TULP4: variants seen among roughly 807,000 people sequenced by gnomAD.
TULP4 encodes the protein tubby-related protein 4.
Under a neutral mutation model 129.0 loss-of-function variants are expected in TULP4, and 16 were observed. That is an observed-to-expected ratio of 0.12 (90% CI 0.08 to 0.19). The LOEUF is 0.19. TULP4 is among the 10% of genes least tolerant of loss of function. TULP4 has a pLI of 1.00. For synonymous variants in TULP4, 998 were observed against 854.0 expected, an observed-to-expected ratio of 1.17 and a Z score of -2.94; for missense variants, 1,842 against 2,059.1, an observed-to-expected ratio of 0.89 and a Z score of 2.04.
intron 6 of TULP4, among the ~76,000 whole-genome samples, chr6:158,478,272 T>C (rs1779866018): frequency 6.6e-6 from 1 of 152,194 alleles, no homozygotes; most frequent in African/African-American, 2.4e-5. Flanking sequence ...AAACCATTTT[T>C]TGGGGGACTT....
intron 1 of TULP4, among the ~76,000 whole-genome samples, chr6:158,377,748 C>A (rs1039290014): frequency 4.6e-5 from 7 of 151,830 alleles, no homozygotes; most frequent in African/African-American, 1.5e-4. Context: ...CTTTTTTTTT[C>A]CTTTTATTTC....
intron 1 of TULP4, among the ~76,000 whole-genome samples, chr6:158,412,002 ATCT>A (rs2115006599): frequency 6.6e-6 from 1 of 152,336 alleles, no homozygotes; most frequent in African/African-American, 2.4e-5. Context: ...AAGGGTTCAA[ATCT>A]TCTTTTATTC....
chr6:158,322,837 T>C (rs1368753514), intron 1 of TULP4, among the ~76,000 whole-genome samples: 1 of 152,222 alleles, frequency 6.6e-6, no homozygotes, highest in Non-Finnish European at 1.5e-5. Flanking sequence ...TTCGCCTTCC[T>C]CTATTTGCAT....
intron 1 of TULP4, among the ~76,000 whole-genome samples, chr6:158,380,895 A>AAAAAAAAG (rs1371049797): frequency 2.5e-5 from 1 of 40,720 alleles, no homozygotes; most frequent in Non-Finnish European, 4.9e-5. Flanking sequence ...CTCTGTCTCC[A>AAAAAAAAG]AAAAAAAAAA....
intron 3 of TULP4, among the ~76,000 whole-genome samples, chr6:158,440,027 T>TA (rs201322124): frequency 2.0e-3 from 308 of 150,460 alleles, no homozygotes; most frequent in Admixed American, 3.8e-3. Flanking sequence ...GTTTCTTTTT[T>TA]AAAAAAAAAT....
chr6:158,420,909 A>T (rs1778324915), intron 2 of TULP4, among the ~76,000 whole-genome samples: 2 of 152,238 alleles, frequency 1.3e-5, no homozygotes, highest in South Asian at 4.1e-4. Flanking sequence ...GAACTCTGTA[A>T]AATATTTGAA....
chr6:158,242,584 A>C, intron 1 of TULP4: 1 of 723,972 alleles, frequency 1.4e-6, no homozygotes, highest in South Asian at 1.5e-5. Flanking sequence ...TTTTCAAAGG[A>C]GAGAGAGTTA....
rs745864125 is a variant in TULP4, at chr6:158,502,203, C to T, written c.2540C>T (p.Thr847Ile). Residue 847 changes from threonine (T) to isoleucine (I), a missense_variant, in exon 13 of 14, where the codon ACA becomes ATA. Physicochemically the swap from Thr to Ile is moderately conservative, Grantham distance 89. Transcript: ENST00000367097. ...YPGTIPAAPT[T>I]AAPPPPLPPP... ...GGAACCATCCCCGCTGCCCCCACCACAGCAGCACCCCCGCCCCCTCTGCCG... is the reference window on the plus strand; with the variant it reads ...GGAACCATCCCCGCTGCCCCCACCATAGCAGCACCCCCGCCCCCTCTGCCG... The T allele has an allele frequency of 1.3e-6, 2 of 1,514,228 alleles. No individual in the cohort carries two copies. Among genetic ancestry groups the T allele is most frequent in the East Asian group, 2.4e-5 (1 of 42,006 alleles). 93.8% of individuals were successfully genotyped at this position (1,514,228 alleles called of 1,614,324 possible).
chr6:158,408,884 TAATA>T (rs1389293563), intron 1 of TULP4, among the ~76,000 whole-genome samples: 1 of 152,244 alleles, frequency 6.6e-6, no homozygotes, highest in Non-Finnish European at 1.5e-5. Flanking sequence ...CTGGTTCACT[TAATA>T]AATTGCAGAA....
At chr6:158,482,646 TG>T (rs1170565336) in intron 8 of TULP4, among the ~76,000 whole-genome samples, 1 of 152,106 alleles carries the variant, frequency 6.6e-6, no homozygotes, top group Non-Finnish European at 1.5e-5. Flanking sequence ...TAGAGATGAC[TG>T]GGGTGGGGGC....
intron 4 of TULP4, among the ~76,000 whole-genome samples, chr6:158,450,040 A>G (rs1779132696): frequency 6.6e-6 from 1 of 152,164 alleles, no homozygotes; most frequent in Non-Finnish European, 1.5e-5. Context: ...TCCTCGTTCT[A>G]GGTATTTGAA....
At position 158,509,750 on chromosome 6, in the gene TULP4, T is replaced by C. The variant is rs1780693080; in HGVS notation, c.*3056T>C. 1 of 152,206 alleles carries C rather than the reference T, an allele frequency of 6.6e-6. No individual in the cohort carries two copies. Among genetic ancestry groups the C allele is most frequent in the Non-Finnish European group, 1.5e-5 (1 of 68,044 alleles). The allele number at this position is 152,206 out of a possible 1,614,324, so 9.4% of individuals were successfully genotyped here. A position where few individuals can be genotyped will look rare whatever the true frequency, so the allele number is the denominator to read the frequency against. ...CGGCAGCCACTGCCCACCTCCCCTCTACCCAGGGGCCTGAAAAGAGGGGCT... is the reference window on the plus strand; with the variant it reads ...CGGCAGCCACTGCCCACCTCCCCTCCACCCAGGGGCCTGAAAAGAGGGGCT... On this transcript the variant is annotated 3_prime_UTR_variant, in exon 14 of 14. Coordinates refer to ENST00000367097, the MANE Select transcript of TULP4 (RefSeq NM_020245.5).
In TULP4 at chr6:158,466,994, A is replaced by G. The variant is rs1476984255; in HGVS notation, c.1026+5265A>G. ...AGCCTAAGGAAAGAGGCCTGTATAG[A>G]CCCACCTGCTTACTTCACAGACCCA... On this transcript the variant is annotated intron_variant, in intron 6 of 13. Transcript: ENST00000367097. Among the ~76,000 whole-genome samples, 3 of 152,218 alleles carry G rather than the reference A, an allele frequency of 2.0e-5. No individual in the cohort carries two copies. In the East Asian group the frequency reaches 5.8e-4, roughly 29 times the overall value.
At chr6:158,330,577 T>G (rs1779854502) in intron 1 of TULP4, among the ~76,000 whole-genome samples, 1 of 152,240 alleles carries the variant, frequency 6.6e-6, no homozygotes, top group African/African-American at 2.4e-5. Flanking sequence ...TCTAAAATAC[T>G]TCAATGTGTA....
At chr6:158,273,620 C>T (rs1475415162) in intron 1 of TULP4, among the ~76,000 whole-genome samples, 1 of 152,200 alleles carries the variant, frequency 6.6e-6, no homozygotes, top group African/African-American at 2.4e-5. Context: ...CATTCTTCTT[C>T]AGCTCAATTA....
chr6:158,383,855 T>A (rs1164588123), intron 1 of TULP4, among the ~76,000 whole-genome samples: 3 of 152,204 alleles, frequency 2.0e-5, no homozygotes, highest in African/African-American at 7.2e-5. Flanking sequence ...CAGGGCTGAT[T>A]AGATGGACAC....
intron 1 of TULP4, among the ~76,000 whole-genome samples, chr6:158,266,727 A>C (rs1778453966): frequency 6.6e-6 from 1 of 152,220 alleles, no homozygotes; most frequent in Admixed American, 6.5e-5. Flanking sequence ...GATGTATATG[A>C]GGGATGCATA....
At chr6:158,379,360 C>T (rs1777272472) in intron 1 of TULP4, among the ~76,000 whole-genome samples, 1 of 152,108 alleles carries the variant, frequency 6.6e-6, no homozygotes, top group Non-Finnish European at 1.5e-5. Flanking sequence ...GTGAGGATTC[C>T]AGAGAAAGAA....
At chr6:158,319,682 T>C (rs1240293941) in intron 1 of TULP4, among the ~76,000 whole-genome samples, 6 of 152,246 alleles carry the variant, frequency 3.9e-5, no homozygotes, top group Admixed American at 3.3e-4. Flanking sequence ...TTAACAAATC[T>C]TAACAGTTTT....
Sources: allele counts gnomAD v4.1 joint callset (sites outside exome capture counted in the v4.1 genomes callset), GRCh38; gene constraint gnomAD v4.1.1; transcripts MANE v1.5; gene names NCBI Gene and HGNC (gene_info 2026-07-23, HGNC 2026-07-21).